Variants in RIN3 observed in about 807,000 individuals in gnomAD.
The protein encoded by RIN3 is RAB5 interacting protein 3.
A neutral mutation model predicts 76.3 loss-of-function variants in RIN3; 54 were observed. That is an observed-to-expected ratio of 0.71 (90% CI 0.57 to 0.89). The LOEUF (loss-of-function observed/expected upper bound fraction) is 0.89, where lower values mean the gene tolerates loss of function less well. Among genes scored for constraint, RIN3 ranks in the 40% least tolerant of loss-of-function variants. RIN3 has a pLI of 0.00. For missense variants in RIN3, 1,256 were observed against 1,322.1 expected, an observed-to-expected ratio of 0.95 and a Z score of 0.78; for synonymous variants, 576 against 564.0, an observed-to-expected ratio of 1.02 and a Z score of -0.30.
intron 3 of RIN3, among the ~76,000 whole-genome samples, chr14:92,581,540 A>G (rs527640567): frequency 1.9e-4 from 29 of 152,244 alleles, no homozygotes; most frequent in African/African-American, 6.7e-4. Flanking sequence ...GAGGAAAGGC[A>G]CATCAGGCTG....
At position 92,568,710 on chromosome 14, in the gene RIN3, C is replaced by A. The variant is rs181931300; in HGVS notation, c.250-8650C>A. 8.9e-4 allele frequency among the ~76,000 whole-genome samples: 136 copies of A among 152,364 alleles called. No homozygotes were observed. Among genetic ancestry groups the A allele is most frequent in the African/African-American group, 3.1e-3 (129 of 41,586 alleles). On this transcript the variant is annotated intron_variant, in intron 2 of 9. Coordinates refer to ENST00000216487, the MANE Select transcript of RIN3 (RefSeq NM_024832.5). The surrounding 1 kb of genome is among the most constrained non-coding windows in gnomAD (Gnocchi z 4.2). ...AGTCCGTCCCTGCCCCACTCTCCAT[C>A]GTGAACTCACAGCCTCCAGCCTCCT...
At chr14:92,684,200 C>T (rs1487044649) in intron 8 of RIN3, among the ~76,000 whole-genome samples, 2 of 151,964 alleles carry the variant, frequency 1.3e-5, no homozygotes, top group Non-Finnish European at 2.9e-5. Flanking sequence ...GCCAGCATGG[C>T]GACACCCCAT....
chr14:92,561,938 G>A (rs960079219), intron 2 of RIN3, among the ~76,000 whole-genome samples: 6 of 151,966 alleles, frequency 3.9e-5, no homozygotes, highest in Non-Finnish European at 5.9e-5. Context: ...CTCCCACCTC[G>A]GCCTCCCATA....
chr14:92,559,561 A>C (rs1193651998), intron 2 of RIN3, among the ~76,000 whole-genome samples: 3 of 152,260 alleles, frequency 2.0e-5, no homozygotes, highest in Non-Finnish European at 4.4e-5. Flanking sequence ...TCCATGCACC[A>C]ATATGAACCG....
chr14:92,659,037 C>A, intron 6 of RIN3, 124 bp from the exon 7 acceptor site: 1 of 864,666 alleles, frequency 1.2e-6, no homozygotes, highest in Non-Finnish European at 1.9e-6. Flanking sequence ...GGTATAACTG[C>A]TGGGGCTGTG....
intron 3 of RIN3, among the ~76,000 whole-genome samples, chr14:92,582,393 G>T (rs554816540): frequency 1.3e-5 from 2 of 151,226 alleles, no homozygotes; most frequent in Non-Finnish European, 2.9e-5. Context: ...AAATACACAG[G>T]TGTCATCCGT....
At chr14:92,632,826 C>T (rs1041588597) in intron 4 of RIN3, among the ~76,000 whole-genome samples, 13 of 152,214 alleles carry the variant, frequency 8.5e-5, no homozygotes, top group African/African-American at 2.2e-4. Context: ...GGGCAAACGC[C>T]TGGCAGTGGG....
intron 1 of RIN3, among the ~76,000 whole-genome samples, chr14:92,534,836 T>G (rs1459531959): frequency 6.6e-6 from 1 of 152,156 alleles, no homozygotes; most frequent in Non-Finnish European, 1.5e-5. Context: ...TTCTCCCATT[T>G]TTATTGTTCC....
intron 3 of RIN3, among the ~76,000 whole-genome samples, chr14:92,614,088 C>G (rs1415005506): frequency 6.6e-6 from 1 of 152,252 alleles, no homozygotes; most frequent in Non-Finnish European, 1.5e-5. Context: ...CAGCTGCAGG[C>G]ACTGACGGTG....
chr14:92,636,394 G>A (rs1241798166), intron 4 of RIN3, among the ~76,000 whole-genome samples: 1 of 152,094 alleles, frequency 6.6e-6, no homozygotes, highest in Non-Finnish European at 1.5e-5. Flanking sequence ...GACCAGCCTG[G>A]TCAACATGGT....
At chr14:92,677,123 A>T (rs1405146738) in intron 8 of RIN3, among the ~76,000 whole-genome samples, 1 of 152,192 alleles carries the variant, frequency 6.6e-6, no homozygotes, top group Admixed American at 6.5e-5. Context: ...CCCCTTGCTC[A>T]TAAGCCCTGG....
chr14:92,570,619 G>A (rs888040823), intron 2 of RIN3, among the ~76,000 whole-genome samples: 4 of 149,764 alleles, frequency 2.7e-5, no homozygotes, highest in African/African-American at 9.9e-5. Context: ...CTGAGATCAC[G>A]CCATTGCACT....
chr14:92,557,720 G>A (rs1897635648), intron 2 of RIN3, among the ~76,000 whole-genome samples: 1 of 152,218 alleles, frequency 6.6e-6, no homozygotes, highest in Non-Finnish European at 1.5e-5. Context: ...GCCTGGCAAG[G>A]CCTGGGTAGA....
chr14:92,613,235 C>A (rs534352983), intron 3 of RIN3, among the ~76,000 whole-genome samples: 1 of 152,168 alleles, frequency 6.6e-6, no homozygotes, highest in Non-Finnish European at 1.5e-5. Flanking sequence ...CTTGGCCACA[C>A]CTGTGCTGCC....
At chr14:92,528,227 C>T (rs965073232) in intron 1 of RIN3, among the ~76,000 whole-genome samples, 1 of 152,090 alleles carries the variant, frequency 6.6e-6, no homozygotes, top group Non-Finnish European at 1.5e-5. Flanking sequence ...GCGGGGAGGC[C>T]GCCTTTATTC....
intron 3 of RIN3, among the ~76,000 whole-genome samples, chr14:92,603,784 C>A (rs1165983466): frequency 2.0e-5 from 3 of 152,194 alleles, no homozygotes; most frequent in Admixed American, 2.0e-4. Flanking sequence ...GCACCTTTTC[C>A]TCAGGCAGGA....
intron 3 of RIN3, among the ~76,000 whole-genome samples, chr14:92,589,915 G>A (rs1324053595): frequency 1.3e-5 from 2 of 152,192 alleles, no homozygotes; most frequent in African/African-American, 2.4e-5. Context: ...ATAAAGGTGG[G>A]GTCACAGGTC....
At chr14:92,521,986 G>A (rs895232848) in intron 1 of RIN3, among the ~76,000 whole-genome samples, 2 of 149,254 alleles carry the variant, frequency 1.3e-5, no homozygotes, top group Non-Finnish European at 3.0e-5. Flanking sequence ...GAAACGCACC[G>A]AGTGGGAAAG....
intron 5 of RIN3, among the ~76,000 whole-genome samples, chr14:92,650,374 CA>C (rs1159927977): frequency 6.6e-6 from 1 of 152,206 alleles, no homozygotes; most frequent in African/African-American, 2.4e-5. Flanking sequence ...GGCCTATGAT[CA>C]GGGGTCGGCA....
Sources: allele counts gnomAD v4.1 joint callset (sites outside exome capture counted in the v4.1 genomes callset), GRCh38; gene constraint gnomAD v4.1.1; non-coding constraint Gnocchi (gnomAD v3.1); transcripts MANE v1.5; gene names NCBI Gene and HGNC (gene_info 2026-07-23, HGNC 2026-07-21).